The following ADGRG7 variants were observed in gnomAD, a reference collection of about 807,000 sequenced individuals.
ADGRG7 encodes adhesion G protein-coupled receptor G7, also known as G-protein coupled receptor 128.
A neutral mutation model predicts 88.6 loss-of-function variants in ADGRG7; 82 were observed. The observed-to-expected ratio is 0.93, with a 90% CI of 0.77 to 1.11. The LOEUF (loss-of-function observed/expected upper bound fraction) is 1.11, where lower values mean the gene tolerates loss of function less well. Among genes scored for constraint, ADGRG7 ranks in the 50% most tolerant of loss-of-function variants. The pLI is 0.00. For missense variants in ADGRG7, 945 were observed against 953.4 expected (o/e 0.99, Z 0.12); for synonymous variants, 381 against 345.2 (o/e 1.10, Z -1.15).
At chr3:100,637,435 G>T (rs2149020899) in intron 6 of ADGRG7, 33 bp downstream of exon 6, 1 of 1,437,852 alleles carries the variant, frequency 7.0e-7, no homozygotes, top group South Asian at 1.1e-5. Flanking sequence ...AAGAAAACTT[G>T]ACTAAGGGCT....
intron 3 of ADGRG7, among the ~76,000 whole-genome samples, chr3:100,631,520 C>A (rs755559531): frequency 6.6e-6 from 1 of 151,990 alleles, no homozygotes; most frequent in African/African-American, 2.4e-5. Context: ...TTTACCTGTC[C>A]CTTGTTTGCC....
chr3:100,622,492 T>A (rs1336416842), intron 1 of ADGRG7, among the ~76,000 whole-genome samples: 1 of 152,206 alleles, frequency 6.6e-6, no homozygotes, highest in Admixed American at 6.5e-5. Context: ...TGTATTTCTC[T>A]GATGACTAAG....
intron 10 of ADGRG7, 75 bp from the exon 11 acceptor site, chr3:100,649,620 A>G: frequency 2.7e-6 from 2 of 751,698 alleles, no homozygotes; most frequent in Non-Finnish European, 4.6e-6. Context: ...TGACCCATGT[A>G]ACTCTGTGAT....
Position 100,643,314 on chromosome 3 carries a change from A to T in ADGRG7, c.747A>T (p.Ser249=). 1 of 1,614,052 alleles carries T rather than the reference A, an allele frequency of 6.2e-7. No individual in the cohort carries two copies. Among genetic ancestry groups the T allele is most frequent in the South Asian group, 1.1e-5 (1 of 91,062 alleles). The change falls in exon 7 of 16, where the codon TCA becomes TCT. Residue 249 remains serine (S), a synonymous_variant. Coordinates refer to ENST00000273352, the MANE Select transcript of ADGRG7 (RefSeq NM_032787.3). ...ATTCCTTGTCTTTGGGTAATCAATCAGTGGTGGAACCTAACATAGCAATAC... is the reference window on the plus strand; with the variant it reads ...ATTCCTTGTCTTTGGGTAATCAATCTGTGGTGGAACCTAACATAGCAATAC... ...ETYSLSLGNQ[S]VVEPNIAIQS...
chr3:100,617,465 C>A (rs181908097), intron 1 of ADGRG7, among the ~76,000 whole-genome samples: 1 of 150,634 alleles, frequency 6.6e-6, no homozygotes, highest in African/African-American at 2.4e-5. Context: ...TGAGAACATG[C>A]GGTGCTTGGT....
intron 11 of ADGRG7, among the ~76,000 whole-genome samples, chr3:100,653,286 G>A (rs1379802639): frequency 6.6e-6 from 1 of 152,034 alleles, no homozygotes; most frequent in Middle Eastern, 3.2e-3. Context: ...TTCTTTAAAC[G>A]TAAAGTAAGC....
intron 1 of ADGRG7, among the ~76,000 whole-genome samples, chr3:100,610,510 A>T (rs2149009064): frequency 6.6e-6 from 1 of 152,380 alleles, no homozygotes; most frequent in South Asian, 2.1e-4. Flanking sequence ...TCAAAAATTT[A>T]AAAACCATTT....
chr3:100,685,293 A>G (rs2094980177), intron 15 of ADGRG7, among the ~76,000 whole-genome samples: 1 of 152,232 alleles, frequency 6.6e-6, no homozygotes, highest in Non-Finnish European at 1.5e-5. Flanking sequence ...GACATTCTAT[A>G]GACGAACGGA....
chr3:100,672,347 GCTCT>G (rs1314004818), intron 15 of ADGRG7, among the ~76,000 whole-genome samples: 4 of 151,976 alleles, frequency 2.6e-5, no homozygotes, highest in African/African-American at 9.7e-5. Flanking sequence ...TCATGATTTG[GCTCT>G]CTGTTTGTCT....
At chr3:100,694,635 G>GGGAAGT (rs2094999126) in intron 15 of ADGRG7, 109 bp from the exon 16 acceptor site, 1 of 1,040,590 alleles carries the variant, frequency 9.6e-7, no homozygotes, top group African/African-American at 1.6e-5. Context: ...ATTCAAGTTG[G>GGGAAGT]GGAAGTGCCG....
At chr3:100,612,965 C>G (rs1707175113) in intron 1 of ADGRG7, among the ~76,000 whole-genome samples, 1 of 152,220 alleles carries the variant, frequency 6.6e-6, no homozygotes, top group African/African-American at 2.4e-5. Context: ...TCTCGGCTCA[C>G]TGCAACCTCT....
intron 1 of ADGRG7, among the ~76,000 whole-genome samples, chr3:100,619,928 C>T (rs1707283427): frequency 6.6e-6 from 1 of 152,066 alleles, no homozygotes; most frequent in South Asian, 2.1e-4. Context: ...AGCTTACCAA[C>T]CAAAAAAAGT....
chr3:100,609,964 C>A lies in ADGRG7; in HGVS notation c.108C>A (p.Ile36=). Residue 36 remains isoleucine, a synonymous_variant, in exon 1 of 16, where the codon ATC becomes ATA. Coordinates refer to ENST00000273352, the MANE Select transcript of ADGRG7 (RefSeq NM_032787.3). ...GCATCTGGAGGATTGTGATCAGGAT[C>A]CAAAGAGGTAATGTTGTCCTGCTAT... ...GLGIWRIVIR[I]QRGKSTSSSS... is the part of the protein sequence containing the mutation. 6.2e-7 allele frequency: 1 copy of A among 1,611,576 alleles called. No homozygotes were observed. The highest frequency in any genetic ancestry group is 8.5e-7 in the Non-Finnish European group (1 of 1,178,020).
intron 15 of ADGRG7, among the ~76,000 whole-genome samples, chr3:100,671,248 T>C (rs2094958067): frequency 6.6e-6 from 1 of 152,218 alleles, no homozygotes; most frequent in Non-Finnish European, 1.5e-5. Flanking sequence ...CCATTCTAAT[T>C]GGTGTGAGAT....
At chr3:100,624,730 G>A (rs1707360275) in intron 1 of ADGRG7, among the ~76,000 whole-genome samples, 1 of 152,064 alleles carries the variant, frequency 6.6e-6, no homozygotes, top group African/African-American at 2.4e-5. Flanking sequence ...TCAGGAAGGG[G>A]TCCAGTTTCA....
chr3:100,627,856 T>A lies in ADGRG7; in HGVS notation c.116-1742T>A, dbSNP rs1216287404. Among the ~76,000 whole-genome samples, 5 of 152,188 alleles carry A rather than the reference T, an allele frequency of 3.3e-5. No homozygotes were observed. In the East Asian group the frequency reaches 9.6e-4, roughly 29 times the overall value. ...TTTGGGAAATTTTGACATGATTTCTTCTGATATTTTATCTTCCCTATTCCT... is the reference window on the plus strand; with the variant it reads ...TTTGGGAAATTTTGACATGATTTCTACTGATATTTTATCTTCCCTATTCCT... On this transcript the variant is annotated intron_variant, in intron 1 of 15. Coordinates refer to ENST00000273352, the MANE Select transcript of ADGRG7 (RefSeq NM_032787.3).
At chr3:100,676,713 T>G (rs2094965777) in intron 15 of ADGRG7, among the ~76,000 whole-genome samples, 1 of 152,076 alleles carries the variant, frequency 6.6e-6, no homozygotes, top group African/African-American at 2.4e-5. Flanking sequence ...AATCTCTAGC[T>G]ATTGTCGTAT....
At chr3:100,642,222 C>T (rs1404165515) in intron 6 of ADGRG7, among the ~76,000 whole-genome samples, 1 of 152,144 alleles carries the variant, frequency 6.6e-6, no homozygotes, top group African/African-American at 2.4e-5. Flanking sequence ...TCAACAGATA[C>T]TGTTTGGTAG....
At chr3:100,660,619 T>A (rs2094943928) in intron 14 of ADGRG7, among the ~76,000 whole-genome samples, 2 of 152,022 alleles carry the variant, frequency 1.3e-5, no homozygotes, top group Non-Finnish European at 2.9e-5. Flanking sequence ...ATTTTTTAAA[T>A]TAGTGGCAAA....
Sources: allele counts gnomAD v4.1 joint callset (sites outside exome capture counted in the v4.1 genomes callset), GRCh38; gene constraint gnomAD v4.1.1; transcripts MANE v1.5; gene names NCBI Gene and HGNC (gene_info 2026-07-23, HGNC 2026-07-21).